Variants in DTNB observed in about 807,000 individuals in gnomAD.
DTNB encodes the protein DTN-B.
Under a neutral mutation model 90.7 loss-of-function variants are expected in DTNB, and 63 were observed. That is an observed-to-expected ratio of 0.69 (90% CI 0.57 to 0.86). DTNB has a LOEUF of 0.86. Ranked by LOEUF, DTNB falls within the 40% of genes least tolerant of loss-of-function variation. The pLI is 0.00. For missense variants in DTNB, 744 were observed against 807.1 expected (o/e 0.92, Z 0.95); for synonymous variants, 277 against 286.7 (o/e 0.97, Z 0.34).
intron 9 of DTNB, among the ~76,000 whole-genome samples, chr2:25,526,691 C>T (rs2077261215): frequency 6.6e-6 from 1 of 151,972 alleles, no homozygotes; most frequent in Admixed American, 6.6e-5. Flanking sequence ...CCACCATGCC[C>T]AGCCATAAAT....
intron 7 of DTNB, 26 bp from the exon 8 acceptor site, chr2:25,577,030 GA>G: frequency 1.3e-6 from 2 of 1,558,606 alleles, no homozygotes; most frequent in South Asian, 1.2e-5. Context: ...GAAAAGGGGA[GA>G]AAAAAGGGCA....
intron 4 of DTNB, 130 bp downstream of exon 4, chr2:25,628,041 T>C: frequency 9.8e-7 from 1 of 1,016,178 alleles, no homozygotes; most frequent in Non-Finnish European, 1.4e-6. Context: ...CAGCCAATAA[T>C]TTCCCTTTTA....
rs564142720 is a variant in DTNB at position 25,615,186 on chromosome 2, T to C, written c.363-7865A>G. Among the ~76,000 whole-genome samples the C allele has an allele frequency of 8.5e-5, 13 of 152,232 alleles. No individual in the cohort carries two copies. In the South Asian group the frequency reaches 1.4e-3, roughly 17 times the overall value. On this transcript the variant is annotated intron_variant, in intron 4 of 20. Transcript: ENST00000406818. ...TGAACAGTCAGATGGAGGAGATGCA[T>C]AGGGTGTGTTTTACGGGAAGGGGCA... is the stretch of plus-strand genomic sequence containing the variant.
rs138046597 is a variant in DTNB at position 25,546,672 on chromosome 2, T to C, written c.877-15075A>G. 3.5e-4 allele frequency among the ~76,000 whole-genome samples: 54 copies of C among 152,342 alleles called. 1 individual carries two copies. In the East Asian group the frequency reaches 6.2e-3, roughly 17 times the overall value. ...TAGGTTTAATTCTGATAGCCAGGGCTTTCTCTGACTTTTAATCAAGCTAAA... is the reference window on the plus strand; with the variant it reads ...TAGGTTTAATTCTGATAGCCAGGGCCTTCTCTGACTTTTAATCAAGCTAAA... On this transcript the variant is annotated intron_variant, in intron 8 of 20. Transcript: ENST00000406818.
At chr2:25,607,464 T>C in intron 4 of DTNB, 143 bp from the exon 5 acceptor site, 2 of 784,706 alleles carry the variant, frequency 2.5e-6, no homozygotes, top group Non-Finnish European at 3.9e-6. Context: ...CCCTGGATTT[T>C]TTTTTTTTCA....
rs1169808182 is a variant in DTNB at position 25,589,367 on chromosome 2, C to CTTTTTTTTTTTTTTTTTTTTTTTT, written c.603+6695_603+6718dup. On this transcript the variant is annotated intron_variant, in intron 6 of 20. Coordinates refer to ENST00000406818, the MANE Select transcript of DTNB (RefSeq NM_021907.5). ...GCTTATTCAGGTTTCTTTTTCTTTT[C>CTTTTTTTTTTTTTTTTTTTTTTTT]TTTTTTTTTTTTTTTTTTTTTTTTT... is the stretch of plus-strand genomic sequence containing the variant. Among the ~76,000 whole-genome samples, 5 of 57,548 alleles carry CTTTTTTTTTTTTTTTTTTTTTTTT rather than the reference C, an allele frequency of 8.7e-5. 1 individual carries two copies. Among genetic ancestry groups the CTTTTTTTTTTTTTTTTTTTTTTTT allele is most frequent in the Non-Finnish European group, 1.2e-4 (4 of 33,602 alleles). The allele number at this position is 57,548 out of a possible 152,430, so 37.8% of individuals were successfully genotyped here.
intron 19 of DTNB, among the ~76,000 whole-genome samples, chr2:25,382,664 G>A (rs947182134): frequency 6.6e-6 from 1 of 151,238 alleles, no homozygotes; most frequent in African/African-American, 2.4e-5. Flanking sequence ...GAGTAGCTGC[G>A]ATTACAGGCA....
intron 7 of DTNB, among the ~76,000 whole-genome samples, chr2:25,579,989 T>C (rs1023250345): frequency 4.4e-4 from 61 of 138,648 alleles, no homozygotes; most frequent in African/African-American, 1.5e-3. Context: ...TTTTTTTTTT[T>C]TTTTTTTTTT....
intron 2 of DTNB, chr2:25,650,170 C>T (rs756746402): frequency 3.5e-5 from 34 of 985,332 alleles, no homozygotes; most frequent in East Asian, 1.1e-4. Flanking sequence ...CGCCTGCATG[C>T]GTATTACTTA....
At chr2:25,526,397 T>TATATATA (rs2077192595) in intron 9 of DTNB, among the ~76,000 whole-genome samples, 4 of 68,762 alleles carry the variant, frequency 5.8e-5, no homozygotes, top group African/African-American at 1.7e-4. Flanking sequence ...ATATATATAT[T>TATATATA]TTTTTTTTTT....
chr2:25,559,536 C>T (rs1291336738), intron 8 of DTNB, among the ~76,000 whole-genome samples: 2 of 152,180 alleles, frequency 1.3e-5, no homozygotes, highest in South Asian at 2.1e-4. Flanking sequence ...CCCTCCTTCG[C>T]GGAGTCCAAC....
chr2:25,655,134 G>A (rs2081817918), intron 1 of DTNB, among the ~76,000 whole-genome samples: 1 of 152,180 alleles, frequency 6.6e-6, no homozygotes, highest in African/African-American at 2.4e-5. Flanking sequence ...GACAGACTGT[G>A]CTAAAAATTA....
chr2:25,503,501 A>T (rs2071405162), intron 9 of DTNB, among the ~76,000 whole-genome samples: 1 of 152,150 alleles, frequency 6.6e-6, no homozygotes, highest in Non-Finnish European at 1.5e-5. Context: ...TCTAAACAAA[A>T]CAACCAACCA....
At chr2:25,467,641 A>G (rs755021604) in intron 10 of DTNB, among the ~76,000 whole-genome samples, 6 of 152,052 alleles carry the variant, frequency 3.9e-5, no homozygotes, top group South Asian at 2.1e-4. Context: ...TGAGTCCAGT[A>G]ATGGACCACA....
intron 5 of DTNB, among the ~76,000 whole-genome samples, chr2:25,601,319 A>AT (rs1335250207): frequency 6.6e-6 from 1 of 152,208 alleles, no homozygotes; most frequent in Admixed American, 6.5e-5. Context: ...TTCTCTTTCT[A>AT]TTTATACACC....
At chr2:25,624,469 A>T (rs555131619) in intron 4 of DTNB, among the ~76,000 whole-genome samples, 1 of 152,308 alleles carries the variant, frequency 6.6e-6, no homozygotes, top group African/African-American at 2.4e-5. Context: ...CTAAGGATGG[A>T]GCTGATACAA....
At chr2:25,664,485 G>T (rs2083942561) in intron 1 of DTNB, among the ~76,000 whole-genome samples, 1 of 152,208 alleles carries the variant, frequency 6.6e-6, no homozygotes, top group Non-Finnish European at 1.5e-5. Context: ...AGGTAAATAA[G>T]GAGGATCACA....
At position 25,501,129 on chromosome 2, in the gene DTNB, AAAAAC is replaced by A. The variant is rs770396720; in HGVS notation, c.1002-18261_1002-18257del. On this transcript the variant is annotated intron_variant, in intron 9 of 20. Coordinates refer to ENST00000406818, the MANE Select transcript of DTNB (RefSeq NM_021907.5). ...AATGAAAACCATAGTTATTGAGACA[AAAAAC>A]AAAACAAAACTGAATACAGCTAAAG... is the stretch of plus-strand genomic sequence containing the variant. Among the ~76,000 whole-genome samples, 16 of 152,378 alleles carry A rather than the reference AAAAAC, an allele frequency of 1.1e-4. No individual in the cohort carries two copies. In the Middle Eastern group the frequency reaches 0.02, roughly 194 times the overall value.
intron 4 of DTNB, among the ~76,000 whole-genome samples, chr2:25,615,926 G>A (rs2148602371): frequency 6.6e-6 from 1 of 152,252 alleles, no homozygotes; most frequent in Middle Eastern, 3.4e-3. Flanking sequence ...AAAGTCCCTT[G>A]TGCTATTTTC....
Sources: allele counts gnomAD v4.1 joint callset (sites outside exome capture counted in the v4.1 genomes callset), GRCh38; gene constraint gnomAD v4.1.1; transcripts MANE v1.5; gene names NCBI Gene and HGNC (gene_info 2026-07-23, HGNC 2026-07-21).